Variants in THSD7B observed in about 807,000 individuals in gnomAD.
The protein encoded by THSD7B is thrombospondin type 1 domain containing 7B.
Under a neutral mutation model 213.6 loss-of-function variants are expected in THSD7B, and 138 were observed. The observed-to-expected ratio is 0.65, with a 90% CI of 0.56 to 0.74. The LOEUF (loss-of-function observed/expected upper bound fraction) is 0.74, where lower values mean the gene tolerates loss of function less well. THSD7B is among the 30% of genes least tolerant of loss of function. The pLI is 0.00. For missense variants in THSD7B, 1,931 were observed against 1,991.5 expected (o/e 0.97, Z 0.58); for synonymous variants, 742 against 687.0 (o/e 1.08, Z -1.25).
intron 10 of THSD7B, among the ~76,000 whole-genome samples, chr2:137,267,677 GAAT>G (rs1162455306): frequency 6.6e-6 from 1 of 151,856 alleles, no homozygotes; most frequent in African/African-American, 2.4e-5. Context: ...TGTAAAATGG[GAAT>G]AATAATATGA....
rs541879036 is a variant in THSD7B, at chr2:137,023,294, C to T, written c.140-33126C>T. On this transcript the variant is annotated intron_variant, in intron 2 of 27. Coordinates refer to ENST00000409968, the MANE Select transcript of THSD7B (RefSeq NM_001316349.2). The stretch of plus-strand genomic sequence containing the variant: ...CATGTTGGAGACTGTCAGTCAGGGT[C>T]TAGGACTGCAGAATGAATGGCTGTC... Among the ~76,000 whole-genome samples the T allele has an allele frequency of 6.4e-4, 97 of 152,046 alleles. 1 individual carries two copies. The highest frequency in any genetic ancestry group is 9.7e-4 in the Non-Finnish European group (66 of 68,016).
At chr2:137,384,628 A>G (rs980199807) in intron 12 of THSD7B, among the ~76,000 whole-genome samples, 2 of 152,192 alleles carry the variant, frequency 1.3e-5, no homozygotes, top group African/African-American at 4.8e-5. Context: ...AATCTTGAGA[A>G]GAGATGCTCT....
chr2:137,225,581 C>G (rs1013746306), intron 7 of THSD7B, among the ~76,000 whole-genome samples: 3 of 152,078 alleles, frequency 2.0e-5, no homozygotes, highest in Non-Finnish European at 4.4e-5. Flanking sequence ...AGTTTTTTAA[C>G]TTCTTCATGC....
chr2:137,225,424 A>G (rs1218324765), intron 7 of THSD7B, among the ~76,000 whole-genome samples: 1 of 152,194 alleles, frequency 6.6e-6, no homozygotes, highest in African/African-American at 2.4e-5. Flanking sequence ...TATTATCTAA[A>G]AGTAATGTAA....
chr2:137,043,235 G>T (rs184933297), intron 2 of THSD7B, among the ~76,000 whole-genome samples: 3 of 151,982 alleles, frequency 2.0e-5, no homozygotes, highest in African/African-American at 7.3e-5. Flanking sequence ...CCTTCCTACC[G>T]CCAGGGTCCC....
chr2:137,229,783 T>A (rs750801888), intron 7 of THSD7B, among the ~76,000 whole-genome samples: 1 of 152,156 alleles, frequency 6.6e-6, no homozygotes, highest in African/African-American at 2.4e-5. Context: ...ATCTGTGAGA[T>A]GAGATGGATC....
intron 2 of THSD7B, among the ~76,000 whole-genome samples, chr2:137,019,268 GTC>G (rs1686398144): frequency 6.6e-6 from 1 of 152,102 alleles, no homozygotes; most frequent in Non-Finnish European, 1.5e-5. Context: ...GTTTATTTGA[GTC>G]TCTCTGCCAT....
chr2:136,791,351 A>G (rs1417253494), intron 1 of THSD7B, among the ~76,000 whole-genome samples: 2 of 152,016 alleles, frequency 1.3e-5, no homozygotes. Flanking sequence ...TTTTTAAAAA[A>G]AATTACAACT....
intron 12 of THSD7B, among the ~76,000 whole-genome samples, chr2:137,363,288 A>G (rs979857769): frequency 2.0e-5 from 3 of 152,226 alleles, no homozygotes; most frequent in African/African-American, 7.2e-5. Context: ...AAAGCAGGAA[A>G]GATCTAAAAT....
rs369669776 is a variant in THSD7B, at chr2:137,029,542, A to G, written c.140-26878A>G. Reference sequence around the variant, plus strand: ...GATATACAAACATACTTGTCATAATATAGCAAAGTCTGCATCTCCTGAGGA... The same window carrying G: ...GATATACAAACATACTTGTCATAATGTAGCAAAGTCTGCATCTCCTGAGGA... On this transcript the variant is annotated intron_variant, in intron 2 of 27. Transcript: ENST00000409968. 6.6e-5 allele frequency among the ~76,000 whole-genome samples: 10 copies of G among 152,298 alleles called. No homozygotes were observed. In the East Asian group the frequency reaches 9.6e-4, roughly 15 times the overall value.
chr2:137,346,901 A>G (rs1573974326), intron 12 of THSD7B, among the ~76,000 whole-genome samples: 1 of 151,728 alleles, frequency 6.6e-6, no homozygotes, highest in Non-Finnish European at 1.5e-5. Context: ...AGATGCACAA[A>G]TATCTCTTTG....
intron 17 of THSD7B, among the ~76,000 whole-genome samples, chr2:137,576,812 T>A (rs1681472525): frequency 6.7e-6 from 1 of 148,296 alleles, no homozygotes; most frequent in Non-Finnish European, 1.5e-5. Flanking sequence ...CCCCTTTTTT[T>A]AATGGTGCTC....
chr2:137,290,606 G>A lies in THSD7B; in HGVS notation c.2500+14580G>A, dbSNP rs1417836925. On this transcript the variant is annotated intron_variant, in intron 12 of 27. Coordinates refer to ENST00000409968, the MANE Select transcript of THSD7B (RefSeq NM_001316349.2). Reference sequence around the variant, plus strand: ...CATCCCAGTTCTGCCCAGGATTTAAGCTCTTTAGATAATCCCTAGGTCTTT... The same window carrying A: ...CATCCCAGTTCTGCCCAGGATTTAAACTCTTTAGATAATCCCTAGGTCTTT... 2.0e-5 allele frequency among the ~76,000 whole-genome samples: 3 copies of A among 152,166 alleles called. No homozygotes were observed. The East Asian group carries it at 5.8e-4, about 29-fold the overall frequency.
At chr2:137,069,867 A>T (rs868167588) in intron 3 of THSD7B, among the ~76,000 whole-genome samples, 13 of 150,504 alleles carry the variant, frequency 8.6e-5, no homozygotes, top group Admixed American at 2.0e-4. Context: ...ATAACTATAC[A>T]TATAAAACAT....
chr2:136,879,467 G>C (rs1000578792), intron 1 of THSD7B, among the ~76,000 whole-genome samples: 23 of 152,180 alleles, frequency 1.5e-4, no homozygotes, highest in Non-Finnish European at 2.8e-4. Flanking sequence ...GTCATTGGTA[G>C]CTTGATGGGG....
intron 3 of THSD7B, among the ~76,000 whole-genome samples, chr2:137,090,182 A>G (rs1002699519): frequency 6.6e-6 from 1 of 152,056 alleles, no homozygotes; most frequent in Non-Finnish European, 1.5e-5. Context: ...AGTATAAAAC[A>G]TTTATACTTA....
chr2:137,251,907 C>T (rs1412168032), intron 10 of THSD7B, among the ~76,000 whole-genome samples: 2 of 152,110 alleles, frequency 1.3e-5, no homozygotes, highest in Non-Finnish European at 2.9e-5. Flanking sequence ...TGACAAGCAC[C>T]TACTGTGTTG....
At chr2:136,848,461 G>A (rs185962313) in intron 1 of THSD7B, among the ~76,000 whole-genome samples, 12 of 152,132 alleles carry the variant, frequency 7.9e-5, no homozygotes, top group Admixed American at 7.2e-4. Flanking sequence ...ATACAGTTTT[G>A]GAGATTTGAA....
intron 15 of THSD7B, among the ~76,000 whole-genome samples, chr2:137,482,740 C>A (rs1414852120): frequency 6.6e-6 from 1 of 151,136 alleles, no homozygotes; most frequent in African/African-American, 2.4e-5. Context: ...TATTGCTTTT[C>A]CTTTTTTAGT....
Sources: gnomAD v4.1 joint callset for allele counts (sites outside exome capture counted in the v4.1 genomes callset) on GRCh38, gnomAD v4.1.1 for gene constraint, MANE v1.5 for transcripts, NCBI Gene and HGNC (gene_info 2026-07-23, HGNC 2026-07-21) for gene names.